The following CDH7 variants were observed in gnomAD, a reference collection of about 807,000 sequenced individuals.
CDH7 encodes cadherin-7.
A neutral mutation model predicts 71.8 loss-of-function variants in CDH7; 25 were observed. The ratio of observed to expected loss-of-function variants is 0.35; its 90% CI spans 0.25 to 0.49. The LOEUF is 0.49. Ranked by LOEUF, CDH7 falls within the 20% of genes least tolerant of loss-of-function variation. The pLI is 0.99. For synonymous variants in CDH7, 381 were observed against 363.8 expected, an observed-to-expected ratio of 1.05 and a Z score of -0.54; for missense variants, 862 against 974.6, an observed-to-expected ratio of 0.88 and a Z score of 1.54.
At chr18:65,831,809 G>A (rs201160924) in intron 6 of CDH7, among the ~76,000 whole-genome samples, 42 of 146,294 alleles carry the variant, frequency 2.9e-4, no homozygotes, top group Non-Finnish European at 3.9e-4. Context: ...AAATTCTGAA[G>A]AAAAAAAAAA....
chr18:65,858,777 T>G (rs909821378), intron 8 of CDH7, 148 bp from the exon 9 acceptor site: 2 of 624,976 alleles, frequency 3.2e-6, no homozygotes, highest in Admixed American at 2.9e-5. Context: ...TGTGTGTATT[T>G]GGATCATATT....
Position 65,824,764 on chromosome 18 carries a change from A to T in CDH7, c.914A>T (p.Asp305Val). Residue 305 changes from aspartate (D) to valine (V), a missense_variant, in exon 6 of 12, where the codon GAT becomes GTT. Physicochemically the swap from Asp to Val is radical, Grantham distance 152 (BLOSUM62 -3). Coordinates refer to ENST00000397968, the MANE Select transcript of CDH7 (RefSeq NM_004361.5). ...ATGGAGTACAAGATTGTGGATGGTG[A>T]TGGTTTGGGCATTTTTAAGATTTCT... The part of the protein sequence containing the change: ...AEMEYKIVDG[D>V]GLGIFKISVD... The T allele has an allele frequency of 6.2e-7, 1 of 1,612,644 alleles. No homozygotes were observed. Among genetic ancestry groups the T allele is most frequent in the Non-Finnish European group, 8.5e-7 (1 of 1,178,908 alleles).
At chr18:65,791,585 A>G (rs146414950) in intron 2 of CDH7, among the ~76,000 whole-genome samples, 259 of 152,300 alleles carry the variant, frequency 1.7e-3, no homozygotes, top group African/African-American at 6.0e-3. Flanking sequence ...GCCATTCTCT[A>G]TTTAATCCCA....
At chr18:65,866,709 T>G (rs2144046992) in intron 11 of CDH7, among the ~76,000 whole-genome samples, 1 of 152,334 alleles carries the variant, frequency 6.6e-6, no homozygotes, top group African/African-American at 2.4e-5. Context: ...TGTTTACGCC[T>G]ATATATTGCT....
At chr18:65,753,195 T>C (rs560216056) in intron 1 of CDH7, among the ~76,000 whole-genome samples, 1 of 152,344 alleles carries the variant, frequency 6.6e-6, no homozygotes, top group African/African-American at 2.4e-5. Context: ...GGTTTCCCTG[T>C]TATTCAGCAT....
intron 2 of CDH7, among the ~76,000 whole-genome samples, chr18:65,782,563 A>G (rs1013912085): frequency 1.4e-4 from 21 of 152,114 alleles, no homozygotes; most frequent in Admixed American, 7.9e-4. Context: ...GTTGACTCTC[A>G]TCTATGATAG....
chr18:65,761,727 A>AT (rs1490397861), intron 1 of CDH7, among the ~76,000 whole-genome samples: 1 of 152,120 alleles, frequency 6.6e-6, no homozygotes, highest in Non-Finnish European at 1.5e-5. Context: ...TTTGTAACTG[A>AT]TTTTATATCT....
At chr18:65,875,147 T>C (rs1446707814) in intron 11 of CDH7, among the ~76,000 whole-genome samples, 5 of 152,220 alleles carry the variant, frequency 3.3e-5, no homozygotes, top group Non-Finnish European at 7.3e-5. Context: ...TCTTCCAGTG[T>C]GGGCAGGGGA....
chr18:65,795,653 A>G (rs141534062), intron 2 of CDH7, among the ~76,000 whole-genome samples: 301 of 152,318 alleles, frequency 2.0e-3, no homozygotes, highest in African/African-American at 4.5e-3. Context: ...ATAAATTATA[A>G]TTAAGTACCA....
intron 10 of CDH7, among the ~76,000 whole-genome samples, chr18:65,861,900 C>G (rs190248735): frequency 3.9e-5 from 6 of 152,066 alleles, no homozygotes; most frequent in Admixed American, 3.9e-4. Context: ...CTCATAAATA[C>G]TCTTATTATT....
intron 4 of CDH7, among the ~76,000 whole-genome samples, chr18:65,821,287 A>G (rs1448833561): frequency 6.6e-6 from 1 of 152,134 alleles, no homozygotes; most frequent in African/African-American, 2.4e-5. Context: ...TGAAAAATCC[A>G]TAAAATCATT....
At chr18:65,812,379 G>C (rs924141596) in intron 3 of CDH7, among the ~76,000 whole-genome samples, 1 of 152,064 alleles carries the variant, frequency 6.6e-6, no homozygotes, top group African/African-American at 2.4e-5. Flanking sequence ...CACCAATTCA[G>C]ACCACTAACT....
intron 1 of CDH7, among the ~76,000 whole-genome samples, chr18:65,751,475 G>C (rs573953839): frequency 5.3e-5 from 8 of 152,268 alleles, no homozygotes; most frequent in Admixed American, 2.6e-4. Context: ...GGGCAGGCTG[G>C]AGCACTCTCC....
intron 6 of CDH7, among the ~76,000 whole-genome samples, chr18:65,833,284 C>A (rs1912417323): frequency 6.6e-6 from 1 of 152,108 alleles, no homozygotes; most frequent in Non-Finnish European, 1.5e-5. Flanking sequence ...TTGCCTATTA[C>A]TTGTAATATT....
chr18:65,783,650 A>G (rs1468546555), intron 2 of CDH7, among the ~76,000 whole-genome samples: 1 of 152,192 alleles, frequency 6.6e-6, no homozygotes, highest in Non-Finnish European at 1.5e-5. Flanking sequence ...TGGGCTGAAG[A>G]TAGCTCCTTG....
At chr18:65,794,544 G>C (rs9961802) in intron 2 of CDH7, among the ~76,000 whole-genome samples, 12,985 of 151,640 alleles carry the variant, frequency 0.086, 1,683 homozygotes, top group African/African-American at 0.29. Flanking sequence ...GGAACATTGT[G>C]AATTGACAAC....
At position 65,824,035 on chromosome 18, in the gene CDH7, C is replaced by CTT. The variant is rs5825650; in HGVS notation, c.794-598_794-597dup. Among the ~76,000 whole-genome samples, 305 of 145,492 alleles carry CTT rather than the reference C, an allele frequency of 2.1e-3. 2 individuals carry two copies. Among genetic ancestry groups the CTT allele is most frequent in the Middle Eastern group, 7.0e-3 (2 of 284 alleles). On this transcript the variant is annotated intron_variant, in intron 5 of 11. Coordinates refer to ENST00000397968, the MANE Select transcript of CDH7 (RefSeq NM_004361.5). ...TTAGAAGTTATTTTTTTCTCTTTCA[C>CTT]TTTTTTTTTTTTCAGTTCAACTAAT... is the stretch of plus-strand genomic sequence containing the variant.
chr18:65,823,762 T>A (rs1256703582), intron 5 of CDH7, among the ~76,000 whole-genome samples: 1 of 151,872 alleles, frequency 6.6e-6, no homozygotes, highest in Non-Finnish European at 1.5e-5. Context: ...TCAGAGAGAA[T>A]CCTTTCTTAT....
At chr18:65,762,377 A>G (rs535034560) in intron 1 of CDH7, among the ~76,000 whole-genome samples, 16 of 152,344 alleles carry the variant, frequency 1.1e-4, no homozygotes, top group African/African-American at 2.6e-4. Flanking sequence ...CTCAAATAAA[A>G]TGCCCTAGAA....
Sources: gnomAD v4.1 joint callset for allele counts (sites outside exome capture counted in the v4.1 genomes callset) on GRCh38, gnomAD v4.1.1 for gene constraint, MANE v1.5 for transcripts, NCBI Gene and HGNC (gene_info 2026-07-23, HGNC 2026-07-21) for gene names.